CAMTA1: variants seen among roughly 807,000 people sequenced by gnomAD.
The protein encoded by CAMTA1 is calmodulin binding transcription activator 1, also known as calmodulin-binding transcription activator 1.
In CAMTA1, 27 loss-of-function variants were observed where a neutral mutation model predicts 170.9. That is an observed-to-expected ratio of 0.16 (90% CI 0.12 to 0.22). The LOEUF (loss-of-function observed/expected upper bound fraction) is 0.22, where lower values mean the gene tolerates loss of function less well. Among genes scored for constraint, CAMTA1 ranks in the 10% least tolerant of loss-of-function variants. The probability of loss-of-function intolerance (pLI) is 1.00; values close to 1 mark genes in which losing one functional copy is unlikely to be tolerated. For missense variants in CAMTA1, 1,619 were observed against 2,217.2 expected, an observed-to-expected ratio of 0.73 and a Z score of 5.42; for synonymous variants, 833 against 891.5, an observed-to-expected ratio of 0.93 and a Z score of 1.17.
intron 7 of CAMTA1, among the ~76,000 whole-genome samples, chr1:7,655,031 C>T (rs1352667115): frequency 4.1e-5 from 6 of 148,102 alleles, no homozygotes; most frequent in Non-Finnish European, 9.0e-5. Context: ...TATACACAAA[C>T]ACACCCACCT....
chr1:7,669,002 C>A (rs533109613), intron 9 of CAMTA1, among the ~76,000 whole-genome samples: 5 of 152,282 alleles, frequency 3.3e-5, no homozygotes, highest in South Asian at 2.1e-4. Context: ...CCCACTCCCC[C>A]CAATGCCCCG....
intron 3 of CAMTA1, among the ~76,000 whole-genome samples, chr1:7,025,419 A>T (rs1234432043): frequency 2.6e-5 from 4 of 152,182 alleles, no homozygotes; most frequent in Non-Finnish European, 5.9e-5. Context: ...AGGGCCTTGG[A>T]AGGAACCATA....
intron 5 of CAMTA1, among the ~76,000 whole-genome samples, chr1:7,413,062 T>C (rs1256994029): frequency 1.3e-5 from 2 of 150,426 alleles, no homozygotes; most frequent in Non-Finnish European, 3.0e-5. Context: ...GATCAGATAG[T>C]TGTAGACATG....
chr1:7,582,263 A>G (rs2095267599), intron 6 of CAMTA1, among the ~76,000 whole-genome samples: 1 of 152,150 alleles, frequency 6.6e-6, no homozygotes, highest in Non-Finnish European at 1.5e-5. Context: ...GTCAGTTTGC[A>G]GAGAGCTCTC....
chr1:7,260,554 C>G (rs1004191282), intron 5 of CAMTA1, among the ~76,000 whole-genome samples: 1 of 152,224 alleles, frequency 6.6e-6, no homozygotes, highest in Non-Finnish European at 1.5e-5. Context: ...CCCAGTGATA[C>G]ACTCTGTGTT....
At chr1:7,525,619 G>A (rs1204770589) in intron 6 of CAMTA1, among the ~76,000 whole-genome samples, 5 of 152,076 alleles carry the variant, frequency 3.3e-5, no homozygotes, top group Non-Finnish European at 7.4e-5. Flanking sequence ...GGACAGCGAG[G>A]CTCATTTTCC....
At chr1:7,500,589 G>C (rs35325099) in intron 6 of CAMTA1, among the ~76,000 whole-genome samples, 26,431 of 152,040 alleles carry the variant, frequency 0.17, 2,344 homozygotes, top group South Asian at 0.25. Flanking sequence ...GGGTGGGCCC[G>C]TGGGTCCTGC....
rs561820259 is a variant in CAMTA1 at position 7,210,902 on chromosome 1, T to C, written c.303-38589T>C. On this transcript the variant is annotated intron_variant, in intron 4 of 22. Coordinates refer to ENST00000303635, the MANE Select transcript of CAMTA1 (RefSeq NM_015215.4). ...CCTAGTTGTTTTGGTAATTATATTG[T>C]CACAGATTTGGCCAATGGAAGCCCT... 3.3e-5 allele frequency among the ~76,000 whole-genome samples: 5 copies of C among 152,348 alleles called. No homozygotes were observed. In the South Asian group the frequency reaches 1.0e-3, roughly 32 times the overall value.
rs776226200 is a variant in CAMTA1, at chr1:7,768,325, A to C, written c.*1834A>C. ...AGAAATCTGATGTTTTTAACAATTA[A>C]ACTGCTAATGTTAAATTGAGAGAAT... On this transcript the variant is annotated 3_prime_UTR_variant, in exon 23 of 23. Coordinates refer to ENST00000303635, the MANE Select transcript of CAMTA1 (RefSeq NM_015215.4). The C allele has an allele frequency of 3.3e-5, 5 of 152,782 alleles. No individual in the cohort carries two copies. Among genetic ancestry groups the C allele is most frequent in the Non-Finnish European group, 5.9e-5 (4 of 68,048 alleles). The allele number at this position is 152,782 out of a possible 1,614,324, so 9.5% of individuals were successfully genotyped here.
chr1:6,895,853 C>G (rs55820697), intron 3 of CAMTA1, among the ~76,000 whole-genome samples: 20,360 of 152,106 alleles, frequency 0.13, 1,790 homozygotes, highest in Admixed American at 0.28. Flanking sequence ...TGGTTTTTTT[C>G]GTAGCATTTA....
chr1:7,765,292 T>C (rs2097012055), intron 22 of CAMTA1, among the ~76,000 whole-genome samples: 1 of 152,202 alleles, frequency 6.6e-6, no homozygotes, highest in Non-Finnish European at 1.5e-5. Flanking sequence ...AGAGAAATAC[T>C]CTTACAGCAG....
chr1:7,096,255 C>A (rs1642061943), intron 4 of CAMTA1, among the ~76,000 whole-genome samples: 1 of 152,204 alleles, frequency 6.6e-6, no homozygotes, highest in South Asian at 2.1e-4. Context: ...TCTCCTCCTC[C>A]TGGTTTCCTG....
intron 5 of CAMTA1, among the ~76,000 whole-genome samples, chr1:7,367,889 A>T (rs1478349238): frequency 6.6e-6 from 1 of 151,564 alleles, no homozygotes; most frequent in Non-Finnish European, 1.5e-5. Context: ...CTGGGCACTC[A>T]TGGTTTCGTT....
intron 5 of CAMTA1, among the ~76,000 whole-genome samples, chr1:7,319,785 A>G (rs1678090022): frequency 6.6e-6 from 1 of 152,222 alleles, no homozygotes; most frequent in African/African-American, 2.4e-5. Context: ...TGAGCTTAAA[A>G]CAAAGCGTAA....
chr1:7,284,149 T>TTCTCCTTCTCCTTCTC (rs1671936650), intron 5 of CAMTA1, among the ~76,000 whole-genome samples: 4 of 108,696 alleles, frequency 3.7e-5, no homozygotes, highest in African/African-American at 1.5e-4. Flanking sequence ...TTCTTCTTCT[T>TTCTCCTTCTCCTTCTC]CTTCTTCTTC....
At chr1:7,449,278 G>A (rs569412748) in intron 5 of CAMTA1, among the ~76,000 whole-genome samples, 1 of 152,210 alleles carries the variant, frequency 6.6e-6, no homozygotes. Context: ...CACCCAACGT[G>A]GTGTGCGTGG....
intron 5 of CAMTA1, among the ~76,000 whole-genome samples, chr1:7,451,070 T>C (rs1334316764): frequency 2.6e-5 from 4 of 152,268 alleles, no homozygotes; most frequent in South Asian, 4.1e-4. Flanking sequence ...GAGACTTATG[T>C]ACATGTTGCT....
At chr1:7,714,837 A>C (rs2096597183) in intron 11 of CAMTA1, among the ~76,000 whole-genome samples, 1 of 152,112 alleles carries the variant, frequency 6.6e-6, no homozygotes. Flanking sequence ...CATCCTTCTT[A>C]TTAGGACCTA....
intron 1 of CAMTA1, among the ~76,000 whole-genome samples, chr1:6,803,903 C>T (rs1194278100): frequency 6.6e-6 from 1 of 150,698 alleles, no homozygotes; most frequent in Non-Finnish European, 1.5e-5. Flanking sequence ...TTTTTTTTGG[C>T]CAGGCATGGT....
Sources: allele counts gnomAD v4.1 joint callset (sites outside exome capture counted in the v4.1 genomes callset), GRCh38; gene constraint gnomAD v4.1.1; transcripts MANE v1.5; gene names NCBI Gene and HGNC (gene_info 2026-07-23, HGNC 2026-07-21).